The following COL13A1 variants were observed in gnomAD, a reference collection of about 807,000 sequenced individuals.
The protein encoded by COL13A1 is collagen alpha-1(XIII) chain.
Under a neutral mutation model 130.9 loss-of-function variants are expected in COL13A1, and 89 were observed. That is an observed-to-expected ratio of 0.68 (90% CI 0.57 to 0.81). The LOEUF (loss-of-function observed/expected upper bound fraction) is 0.81. Among genes scored for constraint, COL13A1 ranks in the 30% least tolerant of loss-of-function variants. The probability of loss-of-function intolerance (pLI) is 0.00; values close to 1 mark genes in which losing one functional copy is unlikely to be tolerated. For missense variants in COL13A1, 879 were observed against 934.6 expected (o/e 0.94, Z 0.78); for synonymous variants, 402 against 341.6 (o/e 1.18, Z -1.95).
At chr10:69,835,079 G>A (rs528973432) in intron 2 of COL13A1, among the ~76,000 whole-genome samples, 3 of 152,298 alleles carry the variant, frequency 2.0e-5, no homozygotes, top group South Asian at 2.1e-4. Flanking sequence ...CCAGGGCCCT[G>A]TGCCCCTTCA....
In COL13A1 at chr10:69,927,073, T is replaced by C. The variant is rs770728250; in HGVS notation, c.1399-14T>C. Reference sequence around the variant, plus strand: ...GTTTGCTCTTCAACTGATTGCCTGGTGTTGGTTTTTTAGGAGATCCGGACG... The same window carrying C: ...GTTTGCTCTTCAACTGATTGCCTGGCGTTGGTTTTTTAGGAGATCCGGACG... On this transcript the variant is annotated splice_polypyrimidine_tract_variant and intron_variant, in intron 26 of 40. Coordinates refer to ENST00000645393, the MANE Select transcript of COL13A1 (RefSeq NM_001368882.1). 6.2e-7 allele frequency: 1 copy of C among 1,613,740 alleles called. No individual in the cohort carries two copies. The highest frequency in any genetic ancestry group is 2.2e-5 in the East Asian group (1 of 44,852).
chr10:69,848,473 T>A (rs896602302), intron 2 of COL13A1, among the ~76,000 whole-genome samples: 1 of 152,172 alleles, frequency 6.6e-6, no homozygotes, highest in African/African-American at 2.4e-5. Flanking sequence ...GCTCTGGAGC[T>A]ATTAAGAGTT....
rs2064727758 is a variant in COL13A1 at position 69,921,893 on chromosome 10, G to A, written c.1101G>A (p.Gly367=). The A allele has an allele frequency of 1.9e-6, 3 of 1,606,950 alleles. No individual in the cohort carries two copies. The highest frequency in any genetic ancestry group is 2.2e-5 in the East Asian group (1 of 44,642). Residue 367 remains glycine, a synonymous_variant, in exon 22 of 41, where the codon GGG becomes GGA. Transcript: ENST00000645393. ...LGKRGQRGEK[G]AEGSPGLPGL... ...GCATCTCCCTGCAGGGTGAGAAGGG[G>A]GCTGAAGGCTCCCCTGGGCTTCCTG...
At chr10:69,935,241 C>A in intron 31 of COL13A1, 109 bp from the exon 32 acceptor site, 1 of 913,530 alleles carries the variant, frequency 1.1e-6, no homozygotes, top group Non-Finnish European at 1.7e-6. Flanking sequence ...GGCTGACCTC[C>A]AGTGGGCAGC....
At chr10:69,914,302 T>C (rs1720812841) in intron 17 of COL13A1, among the ~76,000 whole-genome samples, 1 of 149,226 alleles carries the variant, frequency 6.7e-6, no homozygotes, top group Non-Finnish European at 1.5e-5. Flanking sequence ...AGCCTTTTTC[T>C]GGAGCTGCCA....
In COL13A1 at chr10:69,952,881, G is replaced by A. The variant is rs1589753345; in HGVS notation, c.2059-1G>A. 2 of 1,549,102 alleles carry A rather than the reference G, an allele frequency of 1.3e-6. No homozygotes were observed. Among genetic ancestry groups the A allele is most frequent in the South Asian group, 1.3e-5 (1 of 79,034 alleles). On this transcript the variant is annotated splice_acceptor_variant, in intron 38 of 40. Transcript: ENST00000645393. LOFTEE classifies it high-confidence loss of function. ...TTCTCGGACTAAACCATTATTTACAGGGGGAGAGGGGGAAGAAAGGCTCTA... is the reference window on the plus strand; with the variant it reads ...TTCTCGGACTAAACCATTATTTACAAGGGGAGAGGGGGAAGAAAGGCTCTA...
At chr10:69,918,173 T>A in intron 18 of COL13A1, 112 bp from the exon 19 acceptor site, 1 of 895,296 alleles carries the variant, frequency 1.1e-6, no homozygotes, top group Non-Finnish European at 1.7e-6. Flanking sequence ...TTGGGAGGAG[T>A]GAGCGGTCCT....
chr10:69,806,071 C>T (rs935721640), intron 1 of COL13A1, among the ~76,000 whole-genome samples: 4 of 152,246 alleles, frequency 2.6e-5, no homozygotes, highest in Non-Finnish European at 4.4e-5. Context: ...CTGCCTCCCT[C>T]CTGGGATTGG....
At chr10:69,928,209 T>C (rs1589580890) in intron 27 of COL13A1, among the ~76,000 whole-genome samples, 1 of 152,288 alleles carries the variant, frequency 6.6e-6, no homozygotes, top group East Asian at 1.9e-4. Flanking sequence ...ACATTTTTTT[T>C]CCTTTAAAAT....
Position 69,930,387 on chromosome 10 carries a change from G to T in COL13A1, c.1531-13G>T, listed in dbSNP as rs1331920417. On this transcript the variant is annotated splice_polypyrimidine_tract_variant and intron_variant, in intron 29 of 40. Coordinates refer to ENST00000645393, the MANE Select transcript of COL13A1 (RefSeq NM_001368882.1). ...TTAATGTGTCTAAGAAGCGTTTTTG[G>T]TATTTTCTAAAGGGACCTCGCGGTA... The T allele has an allele frequency of 6.3e-7, 1 of 1,593,284 alleles. No individual in the cohort carries two copies. The highest frequency in any genetic ancestry group is 1.9e-5 in the Admixed American group (1 of 53,468).
chr10:69,827,945 A>G (rs1165090569), intron 2 of COL13A1, among the ~76,000 whole-genome samples: 1 of 152,208 alleles, frequency 6.6e-6, no homozygotes, highest in East Asian at 1.9e-4. Context: ...TTCAGACTTG[A>G]TTTATTTCAG....
chr10:69,914,532 G>A (rs760213975), intron 17 of COL13A1, among the ~76,000 whole-genome samples: 15 of 152,238 alleles, frequency 9.9e-5, no homozygotes, highest in Non-Finnish European at 1.8e-4. Context: ...TCGAAATGGA[G>A]GTGGGAAGAA....
chr10:69,947,183 G>A, intron 37 of COL13A1, 124 bp from the exon 38 acceptor site: 2 of 835,710 alleles, frequency 2.4e-6, no homozygotes, highest in Non-Finnish European at 4.0e-6. Flanking sequence ...CGTGTAGTGG[G>A]AATAACTAAA....
intron 15 of COL13A1, 45 bp from the exon 16 acceptor site, chr10:69,904,888 C>G: frequency 6.5e-7 from 1 of 1,537,802 alleles, no homozygotes; most frequent in East Asian, 2.4e-5. Context: ...ACCAGCTCTA[C>G]TCACCTTTTC....
At chr10:69,841,943 C>T (rs1442716484) in intron 2 of COL13A1, among the ~76,000 whole-genome samples, 3 of 152,152 alleles carry the variant, frequency 2.0e-5, no homozygotes, top group Non-Finnish European at 4.4e-5. Context: ...TTATGGACCA[C>T]GTTAAGGCTT....
intron 1 of COL13A1, among the ~76,000 whole-genome samples, chr10:69,806,428 A>T (rs890637463): frequency 3.9e-5 from 6 of 152,182 alleles, no homozygotes; most frequent in Non-Finnish European, 7.3e-5. Flanking sequence ...GGCAGATCTG[A>T]GGGGACCAGC....
At position 69,858,552 on chromosome 10, in the gene COL13A1, C is replaced by T. The variant is rs143299418; in HGVS notation, c.365-9246C>T. The stretch of plus-strand genomic sequence containing the variant: ...AGTAAAAGGAAGAACAGTGAAACTA[C>T]GACACTGTGTGCATGTGTCTAGTTG... On this transcript the variant is annotated intron_variant, in intron 2 of 40. Coordinates refer to ENST00000645393, the MANE Select transcript of COL13A1 (RefSeq NM_001368882.1). Among the ~76,000 whole-genome samples, 713 of 152,268 alleles carry T rather than the reference C, an allele frequency of 4.7e-3. 5 individuals are homozygous for T. The highest frequency in any genetic ancestry group is 0.013 in the African/African-American group (520 of 41,532).
In COL13A1 at chr10:69,802,459, C is replaced by T; in HGVS notation, c.36C>T (p.Thr12=). ...VAERTHKAAA[T]GARGPGELGA... ...AGCGCACCCACAAAGCGGCAGCCAC[C>T]GGTGCCCGCGGCCCTGGGGAGTTGG... The change falls in exon 1 of 41, where the codon ACC becomes ACT. Residue 12 remains threonine (T), a synonymous_variant. Transcript: ENST00000645393. The T allele has an allele frequency of 1.3e-6, 2 of 1,504,848 alleles. No homozygotes were observed. Among genetic ancestry groups the T allele is most frequent in the South Asian group, 1.3e-5 (1 of 78,006 alleles). 93.2% of individuals were successfully genotyped at this position (1,504,848 alleles called of 1,614,324 possible). A position where few individuals can be genotyped will look rare whatever the true frequency, so the allele number is the denominator to read the frequency against.
intron 2 of COL13A1, among the ~76,000 whole-genome samples, chr10:69,840,283 A>T (rs1217055740): frequency 6.6e-6 from 1 of 152,096 alleles, no homozygotes; most frequent in East Asian, 1.9e-4. Flanking sequence ...ACAGGGCTGG[A>T]GGGACAGACA....
Sources: allele counts gnomAD v4.1 joint callset (sites outside exome capture counted in the v4.1 genomes callset), GRCh38; gene constraint gnomAD v4.1.1; transcripts MANE v1.5; gene names NCBI Gene and HGNC (gene_info 2026-07-23, HGNC 2026-07-21).